The following NR6A1 variants were observed in gnomAD, a reference collection of about 807,000 sequenced individuals.
NR6A1 encodes the protein nuclear receptor subfamily 6 group A member 1.
A neutral mutation model predicts 59.1 loss-of-function variants in NR6A1; 7 were observed. The observed-to-expected ratio is 0.12, with a 90% CI of 0.07 to 0.22. NR6A1 has a LOEUF of 0.22. Among genes scored for constraint, NR6A1 ranks in the 10% least tolerant of loss-of-function variants. NR6A1 has a pLI of 1.00. For synonymous variants in NR6A1, 243 were observed against 236.1 expected (o/e 1.03, Z -0.27); for missense variants, 468 against 611.6 (o/e 0.77, Z 2.48).
At chr9:124,661,930 G>A (rs774138237) in intron 2 of NR6A1, among the ~76,000 whole-genome samples, 1 of 152,216 alleles carries the variant, frequency 6.6e-6, no homozygotes, top group Admixed American at 6.5e-5. Flanking sequence ...CTACTGGACA[G>A]TGCTGATCTG....
intron 2 of NR6A1, among the ~76,000 whole-genome samples, chr9:124,707,542 G>C (rs1839170220): frequency 6.7e-6 from 1 of 150,278 alleles, no homozygotes. Flanking sequence ...TCCTTAGTAT[G>C]GGTCAAACTT....
chr9:124,767,658 A>G (rs905164286), intron 1 of NR6A1, among the ~76,000 whole-genome samples: 11 of 152,222 alleles, frequency 7.2e-5, no homozygotes, highest in Non-Finnish European at 1.6e-4. Context: ...TTTAAATCAC[A>G]GAACTGAAAA....
At chr9:124,661,623 C>G (rs1369882520) in intron 2 of NR6A1, among the ~76,000 whole-genome samples, 1 of 152,182 alleles carries the variant, frequency 6.6e-6, no homozygotes, top group Admixed American at 6.5e-5. Flanking sequence ...GAACACGTGC[C>G]AGATTTAATG....
intron 3 of NR6A1, among the ~76,000 whole-genome samples, chr9:124,551,292 C>T (rs906498551): frequency 1.3e-5 from 2 of 152,320 alleles, no homozygotes; most frequent in Admixed American, 1.3e-4. Context: ...CCTACCCACA[C>T]AAGGTATCTA....
At chr9:124,724,783 G>A (rs1451152050) in intron 2 of NR6A1, among the ~76,000 whole-genome samples, 1 of 152,162 alleles carries the variant, frequency 6.6e-6, no homozygotes, top group Non-Finnish European at 1.5e-5. Context: ...CCCTCTATCT[G>A]GCCAGTAACC....
At chr9:124,586,799 A>C (rs1449021805) in intron 2 of NR6A1, among the ~76,000 whole-genome samples, 1 of 152,216 alleles carries the variant, frequency 6.6e-6, no homozygotes, top group Non-Finnish European at 1.5e-5. Context: ...AGGAGCAAAG[A>C]AAGAGGTTTC....
chr9:124,737,993 C>T (rs937751407), intron 1 of NR6A1, among the ~76,000 whole-genome samples: 34 of 152,150 alleles, frequency 2.2e-4, no homozygotes, highest in African/African-American at 7.7e-4. Context: ...TGGTAGCTCA[C>T]GCCTGTAATT....
chr9:124,701,727 T>C (rs1276661071), intron 2 of NR6A1, among the ~76,000 whole-genome samples: 1 of 151,906 alleles, frequency 6.6e-6, no homozygotes, highest in Admixed American at 6.6e-5. Context: ...CTTTATCAGA[T>C]TTTTTTTTCT....
At position 124,533,811 on chromosome 9, in the gene NR6A1, C is replaced by T. The variant is rs867966794; in HGVS notation, c.1079+2067G>A. 2.8e-4 allele frequency among the ~76,000 whole-genome samples: 43 copies of T among 151,986 alleles called. 1 individual carries two copies. The highest frequency in any genetic ancestry group is 8.9e-4 in the African/African-American group (37 of 41,458). On this transcript the variant is annotated intron_variant, in intron 7 of 9. Coordinates refer to ENST00000487099, the MANE Select transcript of NR6A1 (RefSeq NM_033334.4). ...GACTACAGGCGCCCGCCACCATGCCCGGCTAATTTTTGTATTTTTAGTAGA... is the reference window on the plus strand; with the variant it reads ...GACTACAGGCGCCCGCCACCATGCCTGGCTAATTTTTGTATTTTTAGTAGA...
At chr9:124,525,699 C>A (rs915030) in intron 8 of NR6A1, among the ~76,000 whole-genome samples, 68,100 of 146,672 alleles carry the variant, frequency 0.46, 16,020 homozygotes, top group African/African-American at 0.54. Context: ...CTCTCTCTCT[C>A]TATATATATA....
intron 2 of NR6A1, among the ~76,000 whole-genome samples, chr9:124,556,389 C>T (rs1006863092): frequency 2.0e-5 from 3 of 152,046 alleles, no homozygotes; most frequent in African/African-American, 7.2e-5. Flanking sequence ...AGGCAAGGAA[C>T]CGATTCTCCC....
At chr9:124,697,161 A>G (rs1838793543) in intron 2 of NR6A1, among the ~76,000 whole-genome samples, 2 of 152,224 alleles carry the variant, frequency 1.3e-5, no homozygotes, top group Non-Finnish European at 2.9e-5. Flanking sequence ...CCACTTTTGG[A>G]ACAGATATCA....
intron 2 of NR6A1, chr9:124,598,938 C>T: frequency 5.7e-6 from 4 of 705,278 alleles, no homozygotes; most frequent in Non-Finnish European, 8.0e-6. Context: ...TCGTTCCAGA[C>T]TCAGGCATGG....
chr9:124,524,462 G>C (rs913976476), intron 9 of NR6A1, among the ~76,000 whole-genome samples: 1 of 152,132 alleles, frequency 6.6e-6, no homozygotes, highest in Non-Finnish European at 1.5e-5. Context: ...AACCACCAGC[G>C]GAGACTGGTA....
chr9:124,563,573 T>C (rs1474197881), intron 2 of NR6A1, among the ~76,000 whole-genome samples: 1 of 152,236 alleles, frequency 6.6e-6, no homozygotes, highest in African/African-American at 2.4e-5. Flanking sequence ...TAAGAACATG[T>C]ACATGGTGCT....
At chr9:124,736,830 T>A (rs1840033274) in intron 1 of NR6A1, among the ~76,000 whole-genome samples, 2 of 151,870 alleles carry the variant, frequency 1.3e-5, no homozygotes, top group South Asian at 2.1e-4. Context: ...GGCAACAGAG[T>A]GAGACCAGGT....
intron 2 of NR6A1, among the ~76,000 whole-genome samples, chr9:124,728,611 G>A (rs1588834209): frequency 6.7e-6 from 1 of 150,042 alleles, no homozygotes; most frequent in Non-Finnish European, 1.5e-5. Context: ...CTCTAGCCTG[G>A]GTGACAGAGC....
intron 2 of NR6A1, among the ~76,000 whole-genome samples, chr9:124,595,286 A>G (rs1217547924): frequency 6.6e-6 from 1 of 152,214 alleles, no homozygotes; most frequent in Non-Finnish European, 1.5e-5. Flanking sequence ...GAAGCTCCCT[A>G]CCAGAGGATG....
At chr9:124,542,478 T>C (rs767027325) in intron 4 of NR6A1, among the ~76,000 whole-genome samples, 3 of 152,128 alleles carry the variant, frequency 2.0e-5, no homozygotes, top group Non-Finnish European at 4.4e-5. Context: ...TTGAGTCTAT[T>C]CTCTCCCCTC....
Sources: allele counts gnomAD v4.1 joint callset (sites outside exome capture counted in the v4.1 genomes callset), GRCh38; gene constraint gnomAD v4.1.1; transcripts MANE v1.5; gene names NCBI Gene and HGNC (gene_info 2026-07-23, HGNC 2026-07-21).